The following NINJ1 variants were observed in gnomAD, a reference collection of about 807,000 sequenced individuals.
The protein encoded by NINJ1 is ninjurin 1.
NINJ1 carries 6 observed loss-of-function variants against 12.7 expected under a neutral mutation model. The observed-to-expected ratio is 0.47, with a 90% CI of 0.26 to 0.93. The LOEUF (loss-of-function observed/expected upper bound fraction) is 0.93, where lower values mean the gene tolerates loss of function less well. Ranked by LOEUF, NINJ1 falls within the 40% of genes least tolerant of loss-of-function variation. NINJ1 has a pLI of 0.15. For synonymous variants in NINJ1, 100 were observed against 96.0 expected (o/e 1.04, Z -0.25); for missense variants, 170 against 213.0 (o/e 0.80, Z 1.26).
rs774227233 is a variant in NINJ1, at chr9:93,128,822, TC to T, written c.76-2185del. ...AGTCACAAAAGCACAGAAACACACA[TC>T]CCCCAGAAAGACACACATAGACGTG... On this transcript the variant is annotated intron_variant, in intron 1 of 3. Transcript: ENST00000375446. Among the ~76,000 whole-genome samples the T allele has an allele frequency of 4.6e-5, 7 of 151,758 alleles. No homozygotes were observed. The South Asian group carries it at 6.2e-4, about 14-fold the overall frequency.
rs113965034 is a variant in NINJ1 at position 93,124,629 on chromosome 9, G to A, written c.*9+270C>T. Among the ~76,000 whole-genome samples, 75 of 151,702 alleles carry A rather than the reference G, an allele frequency of 4.9e-4. 2 individuals carry two copies. The highest frequency in any genetic ancestry group is 1.7e-3 in the African/African-American group (71 of 41,298). ...CATTCTGAATGTATAGAAATCTTAC[G>A]TTTAAGTGAGTTCTCCAGGATGTTC... On this transcript the variant is annotated intron_variant, in intron 3 of 3. Transcript: ENST00000375446.
rs1163780975 is a variant in NINJ1, at chr9:93,134,132, G to A, written c.75+11C>T. 2 of 1,548,078 alleles carry A rather than the reference G, an allele frequency of 1.3e-6. No homozygotes were observed. The highest frequency in any genetic ancestry group is 1.7e-6 in the Non-Finnish European group (2 of 1,144,970). ...TGGCAAGATCATGCAGCGGTGGGGG[G>A]AAGGTCTTACCGAGGCGTCCGGGGA... On this transcript the variant is annotated intron_variant, in intron 1 of 3. Coordinates refer to ENST00000375446, the MANE Select transcript of NINJ1 (RefSeq NM_004148.4).
chr9:93,126,379 G>A (rs1827808998), intron 2 of NINJ1, 31 bp downstream of exon 2: 2 of 1,584,444 alleles, frequency 1.3e-6, no homozygotes, highest in East Asian at 2.2e-5. Context: ...AGGTGAGCAG[G>A]TGGCCTGGCT....
chr9:93,126,249 G>C (rs1827807489), intron 2 of NINJ1, 161 bp downstream of exon 2: 2 of 597,562 alleles, frequency 3.3e-6, no homozygotes, highest in Non-Finnish European at 5.8e-6. Flanking sequence ...GGGGGAGGGG[G>C]GGTGCCACTT....
At position 93,124,894 on chromosome 9, in the gene NINJ1, C is replaced by T. The variant is rs1827787618; in HGVS notation, c.*9+5G>A. 1.3e-6 allele frequency: 2 copies of T among 1,598,948 alleles called. No individual in the cohort carries two copies. Among genetic ancestry groups the T allele is most frequent in the Admixed American group, 1.7e-5 (1 of 58,216 alleles). On this transcript the variant is annotated splice_donor_5th_base_variant and intron_variant, in intron 3 of 3. Transcript: ENST00000375446. ...GCAGGCCTCGCGCCCCATCTCCCAG[C>T]TCACCTGGGTGTCCTACTGCTGGGG...
chr9:93,123,079 C>T (rs1047591174), intron 3 of NINJ1, among the ~76,000 whole-genome samples: 2 of 152,214 alleles, frequency 1.3e-5, no homozygotes, highest in African/African-American at 4.8e-5. Flanking sequence ...TCAGGCTCCA[C>T]GGCCGGGACA....
rs960523503 is a variant in NINJ1, at chr9:93,132,524, C to T, written c.75+1619G>A. 3.9e-5 allele frequency among the ~76,000 whole-genome samples: 6 copies of T among 152,356 alleles called. No homozygotes were observed. The South Asian group carries it at 1.2e-3, about 32-fold the overall frequency. On this transcript the variant is annotated intron_variant, in intron 1 of 3. Coordinates refer to ENST00000375446, the MANE Select transcript of NINJ1 (RefSeq NM_004148.4). ...CACCCACCTTCCCTGCCCTCCAGGGCTCAGAGCCAATGTCCCCACCTCCAC... is the reference window on the plus strand; with the variant it reads ...CACCCACCTTCCCTGCCCTCCAGGGTTCAGAGCCAATGTCCCCACCTCCAC...
intron 1 of NINJ1, among the ~76,000 whole-genome samples, chr9:93,128,861 G>A (rs1452599462): frequency 2.0e-5 from 3 of 152,156 alleles, no homozygotes; most frequent in Non-Finnish European, 2.9e-5. Flanking sequence ...ACACACATGT[G>A]CACACAATAC....
chr9:93,133,549 C>G (rs10739943), intron 1 of NINJ1, among the ~76,000 whole-genome samples: 146,581 of 152,338 alleles, frequency 0.96, 70,611 homozygotes, highest in African/African-American at 0.99. Flanking sequence ...GGGCCGGTGG[C>G]GGCATACACT....
At chr9:93,129,049 TA>T (rs750910615) in intron 1 of NINJ1, among the ~76,000 whole-genome samples, 1 of 152,120 alleles carries the variant, frequency 6.6e-6, no homozygotes, top group Non-Finnish European at 1.5e-5. Flanking sequence ...TCAGATCCAT[TA>T]AAAAGCACCA....
At chr9:93,126,941 C>T (rs117712316) in intron 1 of NINJ1, among the ~76,000 whole-genome samples, 17 of 152,098 alleles carry the variant, frequency 1.1e-4, no homozygotes, top group Admixed American at 2.0e-4. Flanking sequence ...CTGCCATAGG[C>T]GGGGCTGCTC....
intron 3 of NINJ1, among the ~76,000 whole-genome samples, chr9:93,123,202 G>A (rs1338805406): frequency 6.6e-6 from 1 of 152,192 alleles, no homozygotes; most frequent in African/African-American, 2.4e-5. Context: ...TGTGGGGAGG[G>A]GTGAGGCCAG....
intron 2 of NINJ1, chr9:93,125,665 C>T (rs566877849): frequency 2.2e-4 from 34 of 153,378 alleles, no homozygotes; most frequent in Middle Eastern, 6.8e-3. Context: ...ACCTGTAATC[C>T]CAGCACTTTG....
chr9:93,127,789 C>A (rs1827834685), intron 1 of NINJ1, among the ~76,000 whole-genome samples: 2 of 152,230 alleles, frequency 1.3e-5, no homozygotes, highest in Non-Finnish European at 2.9e-5. Context: ...TGGCAGCCAA[C>A]CTCCTGGGGC....
Position 93,129,654 on chromosome 9 carries a change from G to A in NINJ1, c.76-3016C>T, listed in dbSNP as rs540250191. 2.0e-5 allele frequency among the ~76,000 whole-genome samples: 3 copies of A among 152,324 alleles called. No individual in the cohort carries two copies. In the South Asian group the frequency reaches 6.2e-4, roughly 32 times the overall value. On this transcript the variant is annotated intron_variant, in intron 1 of 3. Transcript: ENST00000375446. ...ACTCCTGCTTACCAAGGGAGAGGCT[G>A]TGTTCCTCTCCCATTCTACAGACCA... is the stretch of plus-strand genomic sequence containing the variant.
chr9:93,127,844 C>T (rs1179419185), intron 1 of NINJ1, among the ~76,000 whole-genome samples: 5 of 152,218 alleles, frequency 3.3e-5, no homozygotes, highest in African/African-American at 1.2e-4. Context: ...AGATGCAGGC[C>T]GGGAGGCCGG....
chr9:93,124,596 C>T (rs886891257), intron 3 of NINJ1, among the ~76,000 whole-genome samples: 7 of 141,916 alleles, frequency 4.9e-5, no homozygotes, highest in Middle Eastern at 3.4e-3. Context: ...TTTTTTTTAT[C>T]GGACAGACAT....
chr9:93,127,236 G>A (rs1211062004), intron 1 of NINJ1, among the ~76,000 whole-genome samples: 1 of 152,210 alleles, frequency 6.6e-6, no homozygotes, highest in African/African-American at 2.4e-5. Context: ...ACTGAGGTGG[G>A]CCACCCAGAG....
chr9:93,125,609 CTG>C (rs1827800621), intron 2 of NINJ1: 1 of 153,990 alleles, frequency 6.5e-6, no homozygotes, highest in African/African-American at 2.4e-5. Flanking sequence ...TGACCCCACT[CTG>C]TGCTCTTTCA....
Sources: gnomAD v4.1 joint callset for allele counts (sites outside exome capture counted in the v4.1 genomes callset) on GRCh38, gnomAD v4.1.1 for gene constraint, MANE v1.5 for transcripts, NCBI Gene and HGNC (gene_info 2026-07-23, HGNC 2026-07-21) for gene names.